RNF24: variants seen among roughly 807,000 people sequenced by gnomAD.
RNF24 encodes ring finger protein 24.
RNF24 carries 14 observed loss-of-function variants against 20.0 expected under a neutral mutation model. The observed-to-expected ratio is 0.70, with a 90% CI of 0.46 to 1.10. The LOEUF is 1.10. Ranked by LOEUF, RNF24 falls within the 50% of genes least tolerant of loss-of-function variation. RNF24 has a pLI of 0.00. For missense variants in RNF24, 124 were observed against 177.6 expected (o/e 0.70, Z 1.71); for synonymous variants, 45 against 61.1 (o/e 0.74, Z 1.23).
In RNF24 at chr20:3,931,536, T is replaced by C. The variant is rs934364682; in HGVS notation, c.*2527A>G. 6.6e-6 allele frequency: 1 copy of C among 152,224 alleles called. No individual in the cohort carries two copies. The highest frequency in any genetic ancestry group is 1.5e-5 in the Non-Finnish European group (1 of 68,052). 9.4% of individuals were successfully genotyped at this position (152,224 alleles called of 1,614,324 possible). On this transcript the variant is annotated 3_prime_UTR_variant, in exon 6 of 6. Transcript: ENST00000358395. Reference sequence around the variant, plus strand: ...GGCCCATCCTGGTGGAGGACCCAGATGCAGGGAGCAAATATTCGGGTTGTG... The same window carrying C: ...GGCCCATCCTGGTGGAGGACCCAGACGCAGGGAGCAAATATTCGGGTTGTG...
intron 1 of RNF24, among the ~76,000 whole-genome samples, chr20:3,973,092 A>C (rs1334966659): frequency 5.3e-5 from 8 of 151,908 alleles, no homozygotes; most frequent in African/African-American, 1.9e-4. Flanking sequence ...AATCCCAGCT[A>C]CTCGGGAGGC....
chr20:3,999,766 A>AAAAC (rs760009715), intron 1 of RNF24, among the ~76,000 whole-genome samples: 7 of 152,206 alleles, frequency 4.6e-5, no homozygotes, highest in Admixed American at 6.5e-5. Context: ...AAAACAAAAC[A>AAAAC]AAACAAACAA....
intron 2 of RNF24, among the ~76,000 whole-genome samples, chr20:3,958,527 T>C (rs975809415): frequency 1.3e-5 from 2 of 152,250 alleles, no homozygotes; most frequent in Non-Finnish European, 2.9e-5. Context: ...CAAAACCTTA[T>C]TGTCAAATGT....
intron 1 of RNF24, among the ~76,000 whole-genome samples, chr20:3,988,483 A>G (rs1321717792): frequency 8.0e-6 from 1 of 125,366 alleles, no homozygotes; most frequent in African/African-American, 3.1e-5. Flanking sequence ...TTTTTGAGAC[A>G]TGGTCTTGCT....
intron 1 of RNF24, among the ~76,000 whole-genome samples, chr20:3,978,741 T>C (rs1282825854): frequency 6.6e-6 from 1 of 152,132 alleles, no homozygotes; most frequent in African/African-American, 2.4e-5. Context: ...TGATGTTTTA[T>C]AGTGATAGAA....
intron 3 of RNF24, among the ~76,000 whole-genome samples, chr20:3,947,639 G>A (rs998787777): frequency 6.6e-6 from 1 of 152,304 alleles, no homozygotes; most frequent in East Asian, 1.9e-4. Context: ...CCATTAAGTC[G>A]ACAGTAACTT....
chr20:3,999,808 C>T (rs944165791), intron 1 of RNF24, among the ~76,000 whole-genome samples: 1 of 152,098 alleles, frequency 6.6e-6, no homozygotes. Context: ...ATCTTTTCTT[C>T]CTTCAGGATA....
intron 1 of RNF24, among the ~76,000 whole-genome samples, chr20:4,009,542 G>C (rs995911540): frequency 6.6e-6 from 1 of 152,148 alleles, no homozygotes; most frequent in Non-Finnish European, 1.5e-5. Context: ...CATTTGGTTG[G>C]GGGGAAGATG....
At position 3,942,762 on chromosome 20, in the gene RNF24, C is replaced by T. The variant is rs570362091; in HGVS notation, c.228+2415G>A. ...TGCTGGGATTACAGGCGTGAGCCAC[C>T]GCGCCTGGCCTGGACAAATATTTCA... On this transcript the variant is annotated intron_variant, in intron 4 of 5. Transcript: ENST00000358395. 3.9e-4 allele frequency among the ~76,000 whole-genome samples: 60 copies of T among 152,064 alleles called. 3 individuals carry two copies. Among genetic ancestry groups the T allele is most frequent in the South Asian group, 2.1e-4 (1 of 4,820 alleles).
At position 3,931,152 on chromosome 20, in the gene RNF24, C is replaced by G. The variant is rs1343556125; in HGVS notation, c.*2911G>C. ...CTAATGGTTCAGCCACCCGTGGAGT[C>G]CAGTTGGGGCTGAGTTATGCTCCAC... On this transcript the variant is annotated 3_prime_UTR_variant, in exon 6 of 6. Transcript: ENST00000358395. 1.3e-5 allele frequency: 2 copies of G among 152,190 alleles called. No homozygotes were observed. Among genetic ancestry groups the G allele is most frequent in the African/African-American group, 4.8e-5 (2 of 41,434 alleles). 9.4% of individuals were successfully genotyped at this position (152,190 alleles called of 1,614,324 possible). A position where few individuals can be genotyped will look rare whatever the true frequency, so the allele number is the denominator to read the frequency against.
intron 1 of RNF24, among the ~76,000 whole-genome samples, chr20:3,979,831 C>T (rs1278270620): frequency 6.6e-6 from 1 of 152,096 alleles, no homozygotes; most frequent in Non-Finnish European, 1.5e-5. Flanking sequence ...AGTATTCTTA[C>T]AGGCTACTGT....
intron 1 of RNF24, 34 bp from the exon 2 acceptor site, chr20:3,964,058 G>T (rs1445405455): frequency 1.2e-6 from 2 of 1,602,248 alleles, no homozygotes; most frequent in Admixed American, 3.4e-5. Flanking sequence ...AAAAAAATAG[G>T]TAAAGACTAA....
chr20:3,981,235 A>G (rs1979355394), intron 1 of RNF24, among the ~76,000 whole-genome samples: 1 of 152,186 alleles, frequency 6.6e-6, no homozygotes, highest in East Asian at 1.9e-4. Flanking sequence ...GGCTGATTCA[A>G]TTTCCTGCCT....
At chr20:3,974,412 A>C (rs1174508466) in intron 1 of RNF24, 4 of 1,540,718 alleles carry the variant, frequency 2.6e-6, no homozygotes, top group African/African-American at 1.4e-5. Flanking sequence ...TAGCCAGTGC[A>C]ATAAGGTAGA....
rs1372167242 is a variant in RNF24, at chr20:3,999,232, A to C, written c.-8+16205T>G. On this transcript the variant is annotated intron_variant, in intron 1 of 5. Transcript: ENST00000358395. Reference sequence around the variant, plus strand: ...GTGTTGCAACAGTTTTAGTTACAACAGTCCTATAGAGTTGCACATTATTAT... The same window carrying C: ...GTGTTGCAACAGTTTTAGTTACAACCGTCCTATAGAGTTGCACATTATTAT... Among the ~76,000 whole-genome samples, 3 of 152,374 alleles carry C rather than the reference A, an allele frequency of 2.0e-5. No individual in the cohort carries two copies. In the East Asian group the frequency reaches 5.8e-4, roughly 29 times the overall value.
At chr20:4,014,507 C>T (rs188143027) in intron 1 of RNF24, among the ~76,000 whole-genome samples, 1 of 152,100 alleles carries the variant, frequency 6.6e-6, no homozygotes, top group East Asian at 1.9e-4. Context: ...TTACCATTAA[C>T]TAAGCCCAAA....
intron 1 of RNF24, among the ~76,000 whole-genome samples, chr20:4,010,026 G>C (rs1354298668): frequency 6.9e-6 from 1 of 144,308 alleles, no homozygotes; most frequent in East Asian, 2.1e-4. Flanking sequence ...ACTCCAGCCT[G>C]GGTGAAAGAG....
At chr20:3,985,281 G>C (rs1568651605) in intron 1 of RNF24, among the ~76,000 whole-genome samples, 1 of 152,058 alleles carries the variant, frequency 6.6e-6, no homozygotes, top group Non-Finnish European at 1.5e-5. Flanking sequence ...TTGAGAAAGG[G>C]TCTCACTATG....
intron 1 of RNF24, among the ~76,000 whole-genome samples, chr20:3,984,197 T>C (rs1362217605): frequency 1.3e-5 from 2 of 151,298 alleles, no homozygotes; most frequent in Admixed American, 1.3e-4. Flanking sequence ...ATCATACCAC[T>C]GCACTCCAGT....
Sources: gnomAD v4.1 joint callset for allele counts (sites outside exome capture counted in the v4.1 genomes callset) on GRCh38, gnomAD v4.1.1 for gene constraint, MANE v1.5 for transcripts, NCBI Gene and HGNC (gene_info 2026-07-23, HGNC 2026-07-21) for gene names.